The following C5orf58 variants were observed in gnomAD, a reference collection of about 807,000 sequenced individuals.
C5orf58 encodes the protein chromosome 5 open reading frame 58.
A neutral mutation model predicts 2.9 loss-of-function variants in C5orf58; 2 were observed. The observed-to-expected ratio is 0.69, with a 90% CI of 0.28 to 2.18. C5orf58 has a LOEUF of 2.18. Ranked by LOEUF, C5orf58 falls within the 30% of genes most tolerant of loss-of-function variation. The probability of loss-of-function intolerance (pLI) is 0.13; values close to 1 mark genes in which losing one functional copy is unlikely to be tolerated. For synonymous variants in C5orf58, 37 were observed against 33.4 expected (o/e 1.11, Z -0.37); for missense variants, 96 against 91.7 (o/e 1.05, Z -0.19).
intron 3 of C5orf58, among the ~76,000 whole-genome samples, chr5:170,241,705 C>T (rs1761016117): frequency 6.9e-6 from 1 of 145,530 alleles, no homozygotes; most frequent in African/African-American, 2.6e-5. Flanking sequence ...TCTAGATATA[C>T]AATCATGTCA....
chr5:170,245,565 C>T (rs933683156), intron 3 of C5orf58, among the ~76,000 whole-genome samples: 7 of 152,304 alleles, frequency 4.6e-5, no homozygotes, highest in East Asian at 1.9e-4. Flanking sequence ...CTTTCTTTGA[C>T]TCGGAAAGGG....
Position 170,237,246 on chromosome 5 carries a change from C to T in C5orf58, c.94+2176C>T, listed in dbSNP as rs1760781782. The T allele has an allele frequency of 7.5e-6, 3 of 398,384 alleles. No individual in the cohort carries two copies. The South Asian group carries it at 3.8e-4, about 51-fold the overall frequency. The allele number at this position is 398,384 out of a possible 1,614,324, so 24.7% of individuals were successfully genotyped here. ...TAGAGGATTAAATGAACACTCTGTGCACCCTCACTTCCTCCCCTAAATAGT... is the reference window on the plus strand; with the variant it reads ...TAGAGGATTAAATGAACACTCTGTGTACCCTCACTTCCTCCCCTAAATAGT... On this transcript the variant is annotated intron_variant, in intron 3 of 3. Transcript: ENST00000593851.
At chr5:170,245,012 G>A (rs998681410) in intron 3 of C5orf58, among the ~76,000 whole-genome samples, 1 of 152,318 alleles carries the variant, frequency 6.6e-6, no homozygotes, top group East Asian at 1.9e-4. Flanking sequence ...AGGACCCTCA[G>A]CTGCAGGTCT....
At chr5:170,238,497 G>A (rs970028686) in intron 3 of C5orf58, among the ~76,000 whole-genome samples, 1 of 152,094 alleles carries the variant, frequency 6.6e-6, no homozygotes, top group Non-Finnish European at 1.5e-5. Context: ...AAATAAGAGT[G>A]TTAGAAAGAG....
downstream of C5orf58, among the ~76,000 whole-genome samples, chr5:170,249,198 G>A (rs4867951): frequency 0.12 from 18,414 of 151,788 alleles, 1,229 homozygotes; most frequent in African/African-American, 0.15. Context: ...GCTGGTGTGC[G>A]CCTGTAATCC....
At chr5:170,235,666 A>G (rs1319923249) in intron 3 of C5orf58, among the ~76,000 whole-genome samples, 1 of 152,190 alleles carries the variant, frequency 6.6e-6, no homozygotes, top group Non-Finnish European at 1.5e-5. Flanking sequence ...ATTTTAAACA[A>G]TTCCTTCTCA....
intron 3 of C5orf58, among the ~76,000 whole-genome samples, chr5:170,237,624 C>T (rs1375973258): frequency 3.9e-5 from 6 of 152,108 alleles, no homozygotes; most frequent in Non-Finnish European, 5.9e-5. Context: ...ATAGCCCCTA[C>T]GACTCAATTC....
downstream of C5orf58, among the ~76,000 whole-genome samples, chr5:170,249,125 C>G (rs1337825717): frequency 1.3e-5 from 2 of 151,976 alleles, no homozygotes; most frequent in Non-Finnish European, 2.9e-5. Flanking sequence ...AGTTTGAGAC[C>G]AGCTTGACCA....
chr5:170,242,629 C>T lies in C5orf58; in HGVS notation c.95-3333C>T, dbSNP rs1761066639. On this transcript the variant is annotated intron_variant, in intron 3 of 3. Coordinates refer to ENST00000593851, the MANE Select transcript of C5orf58 (RefSeq NM_001102609.3). ...TCTGTGGGATCGGTGGTGATATCCC[C>T]TTTATCATTTTTTATTGTGTCTATT... is the stretch of plus-strand genomic sequence containing the variant. 2.9e-5 allele frequency among the ~76,000 whole-genome samples: 3 copies of T among 104,582 alleles called. No individual in the cohort carries two copies. The East Asian group carries it at 7.9e-4, about 28-fold the overall frequency. 68.6% of individuals were successfully genotyped at this position (104,582 alleles called of 152,430 possible).
At chr5:170,233,829 C>T (rs1367936091) in intron 1 of C5orf58, 3 of 330,264 alleles carry the variant, frequency 9.1e-6, no homozygotes, top group South Asian at 2.5e-5. Context: ...ACCCCACCCA[C>T]GCGCTGGGTG....
intron 3 of C5orf58, among the ~76,000 whole-genome samples, chr5:170,245,669 G>C (rs888366845): frequency 3.3e-5 from 5 of 152,180 alleles, no homozygotes; most frequent in African/African-American, 1.2e-4. Flanking sequence ...TGCGCCCACT[G>C]TCTGGCACTC....
At chr5:170,248,026 C>A (rs1032346882), downstream of C5orf58, 2 of 151,906 alleles carry the variant, frequency 1.3e-5, no homozygotes, top group Non-Finnish European at 2.9e-5. Flanking sequence ...TTCTTTAAGA[C>A]AAAAATATAA....
chr5:170,245,709 G>A lies in C5orf58; in HGVS notation c.95-253G>A, dbSNP rs562312035. 3.3e-4 allele frequency among the ~76,000 whole-genome samples: 51 copies of A among 152,326 alleles called. 1 individual carries two copies. In the East Asian group the frequency reaches 9.1e-3, roughly 27 times the overall value. On this transcript the variant is annotated intron_variant, in intron 3 of 3. Coordinates refer to ENST00000593851, the MANE Select transcript of C5orf58 (RefSeq NM_001102609.3). ...GTGAGATGAACCCGGTACCTCAGAT[G>A]GAAATGCAGAAATCACCTGTCTTCT...
At chr5:170,249,730 T>G (rs1761389895), downstream of C5orf58, among the ~76,000 whole-genome samples, 2 of 152,166 alleles carry the variant, frequency 1.3e-5, no homozygotes, top group Non-Finnish European at 2.9e-5. Context: ...CCAGCCTTGA[T>G]TGCTTGCTAG....
At chr5:170,235,868 C>T (rs541218438) in intron 3 of C5orf58, among the ~76,000 whole-genome samples, 10 of 152,184 alleles carry the variant, frequency 6.6e-5, no homozygotes, top group African/African-American at 2.4e-4. Flanking sequence ...TAAGGAAAAA[C>T]AAGAAGATCC....
chr5:170,252,471 C>G, downstream of C5orf58: 1 of 1,588,458 alleles, frequency 6.3e-7, no homozygotes. Flanking sequence ...TGCCTCTGGT[C>G]GGGTAATATA....
intron 3 of C5orf58, among the ~76,000 whole-genome samples, chr5:170,237,857 C>A (rs1203801450): frequency 2.0e-5 from 3 of 152,144 alleles, no homozygotes; most frequent in African/African-American, 7.2e-5. Flanking sequence ...AAGAAGGACA[C>A]TGAAACAAAG....
At chr5:170,233,849 C>T (rs1760625945) in intron 1 of C5orf58, 2 of 343,166 alleles carry the variant, frequency 5.8e-6, no homozygotes, top group Non-Finnish European at 1.1e-5. Context: ...GCTCGAGGGC[C>T]TAGGAGAACC....
Position 170,245,992 on chromosome 5 carries a change from TCC to T in C5orf58, c.126_127del (p.Leu43ThrfsTer3). 6.2e-7 allele frequency: 1 copy of T among 1,613,736 alleles called. No homozygotes were observed. The highest frequency in any genetic ancestry group is 1.6e-4 in the Middle Eastern group (1 of 6,062). On this transcript the variant is annotated frameshift_variant, in exon 4 of 4. Coordinates refer to ENST00000593851, the MANE Select transcript of C5orf58 (RefSeq NM_001102609.3). LOFTEE classifies it low-confidence loss of function (END_TRUNC). ...TCCCAGTTATTGCTTTGTGACCTTATCCTACATTTTAATCATCCCATCAAGAC... is the reference window on the plus strand; with the variant it reads ...TCCCAGTTATTGCTTTGTGACCTTATTACATTTTAATCATCCCATCAAGAC...
Sources: allele counts gnomAD v4.1 joint callset (sites outside exome capture counted in the v4.1 genomes callset), GRCh38; gene constraint gnomAD v4.1.1; transcripts MANE v1.5; gene names NCBI Gene and HGNC (gene_info 2026-07-23, HGNC 2026-07-21).